The following GSDME variants were observed in gnomAD, a reference collection of about 807,000 sequenced individuals.
GSDME encodes the protein gasdermin-E.
In GSDME, 44 loss-of-function variants were observed where a neutral mutation model predicts 47.5. That is an observed-to-expected ratio of 0.93 (90% confidence interval 0.73 to 1.19). The LOEUF is 1.19. GSDME is among the 50% of genes most tolerant of loss of function. The pLI, the probability that GSDME is intolerant of heterozygous loss-of-function variation, is 0.00. For missense variants in GSDME, 663 were observed against 604.2 expected (o/e 1.10, Z -1.02); for synonymous variants, 258 against 252.8 (o/e 1.02, Z -0.20).
intron 3 of GSDME, among the ~76,000 whole-genome samples, chr7:24,729,593 A>G (rs972401532): frequency 3.3e-5 from 5 of 152,194 alleles, no homozygotes; most frequent in Non-Finnish European, 7.3e-5. Flanking sequence ...GTGACACAGG[A>G]GAAGTGAGTC....
chr7:24,704,324 C>T (rs1789005927), intron 8 of GSDME: 1 of 152,156 alleles, frequency 6.6e-6, no homozygotes, highest in African/African-American at 2.4e-5. Context: ...GGAAGCTTCC[C>T]AGGAGACAGG....
At chr7:24,717,411 G>A (rs574401963) in intron 4 of GSDME, 37 bp from the exon 5 acceptor site, 8 of 1,613,818 alleles carry the variant, frequency 5.0e-6, no homozygotes, top group African/African-American at 2.7e-5. Flanking sequence ...CTGTGCACTC[G>A]GGCTCTCCAA....
At chr7:24,792,911 G>A in the GSDME span, among the ~76,000 whole-genome samples, 13 of 152,292 alleles carry the variant, frequency 8.5e-5, no homozygotes, top group Admixed American at 6.5e-5. Flanking sequence ...TGAGGGAAAG[G>A]AAAGTGGAAG....
At chr7:24,769,084 CA>C in the GSDME span, among the ~76,000 whole-genome samples, 1 of 152,236 alleles carries the variant, frequency 6.6e-6, no homozygotes, top group Non-Finnish European at 1.5e-5. Context: ...TCTATCCTAA[CA>C]AGTTAAAAAG....
intron 5 of GSDME, among the ~76,000 whole-genome samples, chr7:24,710,994 TC>T (rs1455460176): frequency 6.6e-6 from 1 of 152,230 alleles, no homozygotes; most frequent in African/African-American, 2.4e-5. Context: ...TAGTCTTTTT[TC>T]AAAAGCCTTA....
intron 7 of GSDME, chr7:24,707,594 A>G: frequency 2.8e-6 from 1 of 356,276 alleles, no homozygotes; most frequent in Non-Finnish European, 5.6e-6. Flanking sequence ...AGATGTAATT[A>G]AAGTAAGGAA....
At chr7:24,707,524 T>C in intron 7 of GSDME, 1 of 430,038 alleles carries the variant, frequency 2.3e-6, no homozygotes, top group Non-Finnish European at 4.9e-6. Context: ...TGCAGTAGTC[T>C]GAGTAGTGGC....
chr7:24,730,339 T>C (rs2521761), intron 3 of GSDME, among the ~76,000 whole-genome samples: 27,113 of 152,248 alleles, frequency 0.18, 2,443 homozygotes, highest in African/African-American at 0.19. Flanking sequence ...ATAGGTGGCA[T>C]AGTTTAATTG....
Position 24,702,785 on chromosome 7 carries a change from T to C in GSDME, c.1232A>G (p.Gln411Arg), listed in dbSNP as rs961870587. ...AALLGTCCKL[Q>R]IIPTLCHLLR... ...CAAGTGGCACAGTGTGGGAATGATCTGGAGTTTGCAGCAAGTGCCCAGCAG... is the reference window on the plus strand; with the variant it reads ...CAAGTGGCACAGTGTGGGAATGATCCGGAGTTTGCAGCAAGTGCCCAGCAG... Residue 411 changes from glutamine to arginine, a missense_variant, in exon 9 of 10, where the codon CAG becomes CGG. By Grantham distance (43) the Gln-to-Arg change is conservative. Coordinates refer to ENST00000645220, the MANE Select transcript of GSDME (RefSeq NM_001127453.2). 5 of 1,613,446 alleles carry C rather than the reference T, an allele frequency of 3.1e-6. No homozygotes were observed. The African/African-American group carries it at 4.0e-5, about 13-fold the overall frequency.
chr7:24,780,098 T>C, the GSDME span, among the ~76,000 whole-genome samples: 2 of 152,230 alleles, frequency 1.3e-5, no homozygotes, highest in African/African-American at 4.8e-5. This position sits in a 1 kb window ranked among gnomAD's most constrained non-coding sequence, Gnocchi z 4.1. Flanking sequence ...AGAAGGAGGA[T>C]GAATAAATGG....
At chr7:24,766,109 G>T in the GSDME span, among the ~76,000 whole-genome samples, 52 of 151,598 alleles carry the variant, frequency 3.4e-4, no homozygotes, top group African/African-American at 1.2e-3. The surrounding 1 kb of genome is among the most constrained non-coding windows in gnomAD (Gnocchi z 4.2). Context: ...ATGTTCTCTA[G>T]GTTAGTGACT....
chr7:24,782,263 A>G, the GSDME span, among the ~76,000 whole-genome samples: 5 of 124,714 alleles, frequency 4.0e-5, no homozygotes, highest in Admixed American at 1.1e-4. Flanking sequence ...TCCCCTTCCT[A>G]TGTCCAAGTG....
chr7:24,711,575 C>T (rs1789354796), intron 5 of GSDME, among the ~76,000 whole-genome samples: 2 of 152,040 alleles, frequency 1.3e-5, no homozygotes, highest in African/African-American at 4.8e-5. Context: ...AATGCCAACA[C>T]TTCGGGAGGC....
At chr7:24,771,860 C>T in the GSDME span, among the ~76,000 whole-genome samples, 1 of 152,188 alleles carries the variant, frequency 6.6e-6, no homozygotes, top group Admixed American at 6.5e-5. This position sits in a 1 kb window ranked among gnomAD's most constrained non-coding sequence, Gnocchi z 4.1. Flanking sequence ...TAAGTCTTGT[C>T]CTAGTCAATC....
chr7:24,781,995 T>C, the GSDME span, among the ~76,000 whole-genome samples: 1 of 152,144 alleles, frequency 6.6e-6, no homozygotes, highest in African/African-American at 2.4e-5. Context: ...ATCCTCCCAC[T>C]TTAGCCATCC....
chr7:24,786,357 G>C, the GSDME span, among the ~76,000 whole-genome samples: 1 of 152,218 alleles, frequency 6.6e-6, no homozygotes, highest in East Asian at 1.9e-4. The surrounding 1 kb of genome is among the most constrained non-coding windows in gnomAD (Gnocchi z 5.5). Flanking sequence ...CACTCTGCTT[G>C]TATCTTGTGT....
intron 8 of GSDME, chr7:24,703,475 A>G (rs1290751227): frequency 1.2e-5 from 2 of 161,044 alleles, no homozygotes; most frequent in Non-Finnish European, 2.7e-5. Flanking sequence ...AGTGTTATTC[A>G]AAGTGGATAT....
Position 24,708,259 on chromosome 7 carries a change from G to C in GSDME, c.863-5C>G. 6.2e-7 allele frequency: 1 copy of C among 1,613,970 alleles called. No individual in the cohort carries two copies. The highest frequency in any genetic ancestry group is 1.3e-5 in the African/African-American group (1 of 75,070). ...TCCTCTCCAGGAGCAGGGTCGCTGTGAAAACAAAGCACACCCAAGTCTCAT... is the reference window on the plus strand; with the variant it reads ...TCCTCTCCAGGAGCAGGGTCGCTGTCAAAACAAAGCACACCCAAGTCTCAT... On this transcript the variant is annotated splice_region_variant and splice_polypyrimidine_tract_variant and intron_variant, in intron 6 of 9. Transcript: ENST00000645220.
chr7:24,776,236 A>T, the GSDME span, among the ~76,000 whole-genome samples: 1 of 151,524 alleles, frequency 6.6e-6, no homozygotes, highest in Non-Finnish European at 1.5e-5. Flanking sequence ...GATATGGAAG[A>T]GCTCCTGGGG....
Sources: allele counts gnomAD v4.1 joint callset (sites outside exome capture counted in the v4.1 genomes callset), GRCh38; gene constraint gnomAD v4.1.1; non-coding constraint Gnocchi (gnomAD v3.1); transcripts MANE v1.5; gene names NCBI Gene and HGNC (gene_info 2026-07-23, HGNC 2026-07-21).